AGAP1: variants seen among roughly 807,000 people sequenced by gnomAD.
The protein encoded by AGAP1 is ArfGAP with GTPase domain, ankyrin repeat and PH domain 1.
AGAP1 carries 29 observed loss-of-function variants against 105.3 expected under a neutral mutation model. That is an observed-to-expected ratio of 0.28 (90% CI 0.21 to 0.38). The LOEUF (loss-of-function observed/expected upper bound fraction) is 0.38, where lower values mean the gene tolerates loss of function less well. Ranked by LOEUF, AGAP1 falls within the 10% of genes least tolerant of loss-of-function variation. The pLI is 1.00. For synonymous variants in AGAP1, 509 were observed against 485.9 expected, an observed-to-expected ratio of 1.05 and a Z score of -0.63; for missense variants, 998 against 1,165.1, an observed-to-expected ratio of 0.86 and a Z score of 2.09.
chr2:235,908,687 A>T lies in AGAP1; in HGVS notation c.1156-51A>T. 1 of 1,429,536 alleles carries T rather than the reference A, an allele frequency of 7.0e-7. No homozygotes were observed. Among genetic ancestry groups the T allele is most frequent in the Middle Eastern group, 1.8e-4 (1 of 5,468 alleles). 88.6% of individuals were successfully genotyped at this position (1,429,536 alleles called of 1,614,324 possible). A position where few individuals can be genotyped will look rare whatever the true frequency, so the allele number is the denominator to read the frequency against. Reference sequence around the variant, plus strand: ...TAGACCCTTTTGTTCTAGGTTGTAAAAGGTCTTTTTTTTTTTTTTATCTCT... The same window carrying T: ...TAGACCCTTTTGTTCTAGGTTGTAATAGGTCTTTTTTTTTTTTTTATCTCT... On this transcript the variant is annotated intron_variant, in intron 10 of 17. Transcript: ENST00000304032. The surrounding 1 kb of genome is among the most constrained non-coding windows in gnomAD (Gnocchi z 4.4).
At chr2:235,956,727 G>C (rs1039332327) in intron 12 of AGAP1, among the ~76,000 whole-genome samples, 1 of 152,228 alleles carries the variant, frequency 6.6e-6, no homozygotes, top group African/African-American at 2.4e-5. Flanking sequence ...AGCAGCTCAA[G>C]ACTGGGACCT....
At chr2:236,075,505 G>T (rs546087717) in intron 16 of AGAP1, among the ~76,000 whole-genome samples, 3 of 152,258 alleles carry the variant, frequency 2.0e-5, no homozygotes, top group South Asian at 2.1e-4. Flanking sequence ...GGCCTTGGGT[G>T]AGGATCAAGG....
At chr2:235,592,270 C>T (rs988945865) in intron 1 of AGAP1, among the ~76,000 whole-genome samples, 14 of 152,160 alleles carry the variant, frequency 9.2e-5, no homozygotes, top group South Asian at 4.1e-4. Context: ...TTCTGGGCAC[C>T]ACGCGCCAGA....
intron 9 of AGAP1, among the ~76,000 whole-genome samples, chr2:235,826,428 C>G (rs537626789): frequency 8.6e-5 from 13 of 151,798 alleles, no homozygotes; most frequent in African/African-American, 3.1e-4. Context: ...TTTCACATAT[C>G]TTTTTTTTTC....
intron 6 of AGAP1, among the ~76,000 whole-genome samples, chr2:235,756,298 T>C (rs1192783845): frequency 6.6e-6 from 1 of 152,074 alleles, no homozygotes; most frequent in Non-Finnish European, 1.5e-5. Flanking sequence ...GATCAGGGTT[T>C]TTTTGTTGGT....
intron 3 of AGAP1, among the ~76,000 whole-genome samples, chr2:235,731,609 G>A (rs925695372): frequency 3.9e-5 from 6 of 152,092 alleles, no homozygotes; most frequent in African/African-American, 9.7e-5. Flanking sequence ...TTGAATTAGC[G>A]TTTCAGAGCT....
chr2:235,918,740 TGAG>T (rs1260020691), intron 11 of AGAP1, among the ~76,000 whole-genome samples: 8 of 152,262 alleles, frequency 5.3e-5, no homozygotes, highest in South Asian at 4.2e-4. Flanking sequence ...TGATGGATGT[TGAG>T]GAGATTAGTT....
rs997897206 is a variant in AGAP1, at chr2:235,609,241, G to C, written c.164-99938G>C. 6.6e-6 allele frequency among the ~76,000 whole-genome samples: 1 copy of C among 152,170 alleles called. No individual in the cohort carries two copies. The highest frequency in any genetic ancestry group is 1.5e-5 in the Non-Finnish European group (1 of 68,046). On this transcript the variant is annotated intron_variant, in intron 1 of 17. Coordinates refer to ENST00000304032, the MANE Select transcript of AGAP1 (RefSeq NM_001037131.3). This position sits in a 1 kb window ranked among gnomAD's most constrained non-coding sequence, Gnocchi z 5.1. ...GATCACTGATGATGACCGTAAACAA[G>C]CTGTGGGAACATAAGGAAAAGCAGA...
chr2:235,781,078 C>T (rs1280404630), intron 6 of AGAP1, among the ~76,000 whole-genome samples: 1 of 152,126 alleles, frequency 6.6e-6, no homozygotes, highest in East Asian at 1.9e-4. Context: ...TTAGTCATTG[C>T]CTTAAAATTT....
chr2:235,816,084 T>C (rs1033682376), intron 9 of AGAP1, among the ~76,000 whole-genome samples: 4 of 152,174 alleles, frequency 2.6e-5, no homozygotes, highest in African/African-American at 9.7e-5. Context: ...CTGTGGTGTT[T>C]TGTGTTTTGG....
chr2:235,607,192 C>T (rs187979600), intron 1 of AGAP1, among the ~76,000 whole-genome samples: 1 of 152,048 alleles, frequency 6.6e-6, no homozygotes, highest in African/African-American at 2.4e-5. Context: ...CAGAGCCCCC[C>T]CTTCCCTGCC....
At position 235,577,558 on chromosome 2, in the gene AGAP1, T is replaced by C. The variant is rs1158184430; in HGVS notation, c.163+82709T>C. 2.0e-5 allele frequency among the ~76,000 whole-genome samples: 3 copies of C among 152,166 alleles called. No individual in the cohort carries two copies. The highest frequency in any genetic ancestry group is 4.4e-5 in the Non-Finnish European group (3 of 68,038). On this transcript the variant is annotated intron_variant, in intron 1 of 17. Transcript: ENST00000304032. This position sits in a 1 kb window ranked among gnomAD's most constrained non-coding sequence, Gnocchi z 4.5. ...GTCCCTGGTCGCTTGCTGGAGTCGG[T>C]GGGAGCTGAGAGTCCCTTGCTGCCC...
At chr2:235,676,106 C>A (rs1575097952) in intron 1 of AGAP1, among the ~76,000 whole-genome samples, 1 of 152,192 alleles carries the variant, frequency 6.6e-6, no homozygotes, top group South Asian at 2.1e-4. Flanking sequence ...GCAGTGGAAG[C>A]TGGAGCTAAC....
chr2:235,952,601 G>T (rs2053783268), intron 12 of AGAP1, among the ~76,000 whole-genome samples: 1 of 151,390 alleles, frequency 6.6e-6, no homozygotes. Flanking sequence ...TTTTATCTGT[G>T]TTTTTTTTTA....
In AGAP1 at chr2:235,977,928, A is replaced by C. The variant is rs1390174608; in HGVS notation, c.1645+9305A>C. Among the ~76,000 whole-genome samples, 1 of 152,138 alleles carries C rather than the reference A, an allele frequency of 6.6e-6. No homozygotes were observed. The highest frequency in any genetic ancestry group is 1.9e-4 in the East Asian group (1 of 5,170). On this transcript the variant is annotated intron_variant, in intron 13 of 17. Coordinates refer to ENST00000304032, the MANE Select transcript of AGAP1 (RefSeq NM_001037131.3). This position sits in a 1 kb window ranked among gnomAD's most constrained non-coding sequence, Gnocchi z 5.2. ...ATTTATCATGGTTCTGAAGGCTGCA[A>C]AGTCCAAGATCACGGCACCAGCTGA...
intron 1 of AGAP1, among the ~76,000 whole-genome samples, chr2:235,500,405 C>G (rs1941512451): frequency 6.6e-6 from 1 of 152,208 alleles, no homozygotes; most frequent in Admixed American, 6.5e-5. Flanking sequence ...ATGTGCCTCT[C>G]TAAGAAGTGT....
intron 11 of AGAP1, among the ~76,000 whole-genome samples, chr2:235,911,933 G>T (rs953458251): frequency 1.3e-5 from 2 of 152,250 alleles, no homozygotes; most frequent in African/African-American, 2.4e-5. Context: ...ACTTTGGGAA[G>T]AAGAAAGTGC....
Position 235,750,215 on chromosome 2 carries a change from G to A in AGAP1, c.539-139G>A, listed in dbSNP as rs949507337. 42 of 1,243,788 alleles carry A rather than the reference G, an allele frequency of 3.4e-5. No individual in the cohort carries two copies. The highest frequency in any genetic ancestry group is 4.4e-5 in the Non-Finnish European group (39 of 886,372). 77.0% of individuals were successfully genotyped at this position (1,243,788 alleles called of 1,614,324 possible). On this transcript the variant is annotated intron_variant, in intron 5 of 17. Transcript: ENST00000304032. This position sits in a 1 kb window ranked among gnomAD's most constrained non-coding sequence, Gnocchi z 5.3. ...TGAGTCTCTTAGTTGGGAGGCAAAC[G>A]ATGCTCTACAATTCCAGATTCATAA... is the stretch of plus-strand genomic sequence containing the variant.
chr2:235,759,798 C>T (rs570271971), intron 6 of AGAP1, among the ~76,000 whole-genome samples: 1 of 152,242 alleles, frequency 6.6e-6, no homozygotes, highest in Admixed American at 6.5e-5. Flanking sequence ...GAATTCAGTT[C>T]TTAACCAAAG....
Sources: allele counts gnomAD v4.1 joint callset (sites outside exome capture counted in the v4.1 genomes callset), GRCh38; gene constraint gnomAD v4.1.1; non-coding constraint Gnocchi (gnomAD v3.1); transcripts MANE v1.5; gene names NCBI Gene and HGNC (gene_info 2026-07-23, HGNC 2026-07-21).